Variants in NCAM1 observed in about 807,000 individuals in gnomAD.
The protein encoded by NCAM1 is antigen recognized by monoclonal antibody 5.1H11.
In NCAM1, 14 loss-of-function variants were observed where a neutral mutation model predicts 109.8. The observed-to-expected ratio is 0.13, with a 90% CI of 0.08 to 0.20. The LOEUF (loss-of-function observed/expected upper bound fraction) is 0.20. Among genes scored for constraint, NCAM1 ranks in the 10% least tolerant of loss-of-function variants. The pLI is 1.00. For missense variants in NCAM1, 774 were observed against 1,109.9 expected, an observed-to-expected ratio of 0.70 and a Z score of 4.30; for synonymous variants, 418 against 442.9, an observed-to-expected ratio of 0.94 and a Z score of 0.70.
At chr11:113,244,955 T>C (rs1945457335) in intron 14 of NCAM1, among the ~76,000 whole-genome samples, 1 of 152,290 alleles carries the variant, frequency 6.6e-6, no homozygotes, top group African/African-American at 2.4e-5. Flanking sequence ...TTTGCCCTTC[T>C]CCCTCAGCCT....
chr11:113,088,663 G>C (rs1939199506), intron 1 of NCAM1, among the ~76,000 whole-genome samples: 1 of 152,188 alleles, frequency 6.6e-6, no homozygotes, highest in Admixed American at 6.5e-5. Context: ...TATGATGCGA[G>C]TAACAAAAGA....
At chr11:113,271,369 C>CAAAAAAAAAA (rs71060298) in intron 18 of NCAM1, among the ~76,000 whole-genome samples, 64 of 66,876 alleles carry the variant, frequency 9.6e-4, no homozygotes, top group African/African-American at 3.5e-3. Flanking sequence ...GACTCTGTCT[C>CAAAAAAAAAA]AAAAAAAAAA....
intron 1 of NCAM1, among the ~76,000 whole-genome samples, chr11:113,088,993 A>G (rs1555088842): frequency 6.6e-6 from 1 of 152,196 alleles, no homozygotes; most frequent in Admixed American, 6.5e-5. Context: ...AGATCTATGC[A>G]TTTCATTAAA....
At chr11:113,252,620 A>G (rs1237532936) in intron 15 of NCAM1, among the ~76,000 whole-genome samples, 1 of 151,864 alleles carries the variant, frequency 6.6e-6, no homozygotes, top group African/African-American at 2.4e-5. Flanking sequence ...AGCACTCTAA[A>G]TAATAAACCT....
intron 1 of NCAM1, among the ~76,000 whole-genome samples, chr11:113,025,452 T>C (rs1322347300): frequency 1.3e-5 from 2 of 152,292 alleles, no homozygotes; most frequent in East Asian, 1.9e-4. Context: ...GCTGTTCTCA[T>C]AGATCTGTTA....
At chr11:113,052,278 T>C (rs1004293194) in intron 1 of NCAM1, among the ~76,000 whole-genome samples, 15 of 152,186 alleles carry the variant, frequency 9.9e-5, no homozygotes, top group Admixed American at 9.2e-4. Context: ...TAATAATAAA[T>C]AGACAAAGGA....
At chr11:113,224,484 T>A (rs1944779004) in intron 9 of NCAM1, among the ~76,000 whole-genome samples, 1 of 152,188 alleles carries the variant, frequency 6.6e-6, no homozygotes, top group Admixed American at 6.5e-5. Context: ...CCTGCCTGCC[T>A]CTTGTAGACT....
chr11:112,977,363 G>A (rs1951034487), intron 1 of NCAM1: 1 of 151,734 alleles, frequency 6.6e-6, no homozygotes, highest in African/African-American at 2.4e-5. Flanking sequence ...TAGTATTATA[G>A]CTCTTTTATA....
intron 1 of NCAM1, among the ~76,000 whole-genome samples, chr11:112,983,348 G>T (rs974190185): frequency 6.6e-6 from 1 of 151,746 alleles, no homozygotes; most frequent in Non-Finnish European, 1.5e-5. Flanking sequence ...GATACCAGGA[G>T]AATTGTAAAT....
chr11:113,024,540 A>G (rs1952482783), intron 1 of NCAM1, among the ~76,000 whole-genome samples: 1 of 152,176 alleles, frequency 6.6e-6, no homozygotes, highest in Admixed American at 6.5e-5. Context: ...AAGCTTTTAG[A>G]GTATAGTCTT....
chr11:113,225,705 G>A (rs1944823267), intron 9 of NCAM1, among the ~76,000 whole-genome samples: 1 of 152,222 alleles, frequency 6.6e-6, no homozygotes, highest in Non-Finnish European at 1.5e-5. Context: ...ACCCACAAAG[G>A]GAAGCCCATC....
At chr11:113,055,387 A>G (rs1953657912) in intron 1 of NCAM1, among the ~76,000 whole-genome samples, 1 of 152,224 alleles carries the variant, frequency 6.6e-6, no homozygotes, top group African/African-American at 2.4e-5. Flanking sequence ...AAAATGGTCA[A>G]CGTTTTAAAC....
chr11:112,985,608 G>A (rs555644258), intron 1 of NCAM1, among the ~76,000 whole-genome samples: 1 of 148,572 alleles, frequency 6.7e-6, no homozygotes, highest in East Asian at 2.0e-4. Flanking sequence ...GTAGTTTTCT[G>A]TATACAGATT....
At position 113,277,170 on chromosome 11, in the gene NCAM1, C is replaced by T. The variant is rs1946413131; in HGVS notation, c.*1783C>T. On this transcript the variant is annotated 3_prime_UTR_variant, in exon 20 of 20. Transcript: ENST00000316851. Reference sequence around the variant, plus strand: ...CCGCATGCGCTCCTCTCCTAAGGTACAAAGCAGCAAGAGGTTAGGGTGGCA... The same window carrying T: ...CCGCATGCGCTCCTCTCCTAAGGTATAAAGCAGCAAGAGGTTAGGGTGGCA... 1 of 396,672 alleles carries T rather than the reference C, an allele frequency of 2.5e-6. No individual in the cohort carries two copies. Among genetic ancestry groups the T allele is most frequent in the Non-Finnish European group, 4.4e-6 (1 of 225,178 alleles). 24.6% of individuals were successfully genotyped at this position (396,672 alleles called of 1,614,324 possible).
At position 113,100,326 on chromosome 11, in the gene NCAM1, A is replaced by G. The variant is rs985843518; in HGVS notation, c.53-102053A>G. ...TTTTGGGCTCTGGCCCCACAGTAGC[A>G]TCTAGGGTTTTGTTATTACAATTAA... is the stretch of plus-strand genomic sequence containing the variant. On this transcript the variant is annotated intron_variant, in intron 1 of 19. Coordinates refer to ENST00000316851, the MANE Select transcript of NCAM1 (RefSeq NM_181351.5). 2.0e-5 allele frequency among the ~76,000 whole-genome samples: 3 copies of G among 152,080 alleles called. No homozygotes were observed. In the Admixed American group the frequency reaches 2.0e-4, roughly 10 times the overall value.
At chr11:113,105,275 A>G (rs538393583) in intron 1 of NCAM1, among the ~76,000 whole-genome samples, 16 of 152,344 alleles carry the variant, frequency 1.1e-4, no homozygotes, top group Admixed American at 2.6e-4. Context: ...CAGGAAGGGC[A>G]TGGACCTCAC....
chr11:113,260,487 TG>T, intron 17 of NCAM1, 164 bp downstream of exon 17: 1 of 703,194 alleles, frequency 1.4e-6, no homozygotes, highest in Non-Finnish European at 2.3e-6. Flanking sequence ...ATCTGTGCAG[TG>T]GGGTGAGATG....
At position 113,274,906 on chromosome 11, in the gene NCAM1, C is replaced by T. The variant is rs1946370648; in HGVS notation, c.2457-361C>T. On this transcript the variant is annotated intron_variant, in intron 19 of 19. Transcript: ENST00000316851. This position sits in a 1 kb window ranked among gnomAD's most constrained non-coding sequence, Gnocchi z 4.1. ...AGCTGGTCAGGGTGAGGAGGAGCTG[C>T]CTCTGCTGCCCCCTTCCACCACCCC... 6.6e-6 allele frequency among the ~76,000 whole-genome samples: 1 copy of T among 152,202 alleles called. No homozygotes were observed. Among genetic ancestry groups the T allele is most frequent in the East Asian group, 1.9e-4 (1 of 5,176 alleles).
chr11:113,236,441 C>G, intron 14 of NCAM1: 1 of 1,008,472 alleles, frequency 9.9e-7, no homozygotes, highest in South Asian at 1.4e-5. Context: ...TTGTCTGGGC[C>G]CTAACCACAC....
Sources: gnomAD v4.1 joint callset for allele counts (sites outside exome capture counted in the v4.1 genomes callset) on GRCh38, gnomAD v4.1.1 for gene constraint, Gnocchi (gnomAD v3.1) non-coding constraint, MANE v1.5 for transcripts, NCBI Gene and HGNC (gene_info 2026-07-23, HGNC 2026-07-21) for gene names.